Variants in SLC27A6 observed in about 807,000 individuals in gnomAD.
SLC27A6 encodes the protein long-chain fatty acid transport protein 6.
In SLC27A6, 74 loss-of-function variants were observed where a neutral mutation model predicts 63.9. The observed-to-expected ratio is 1.16, with a 90% CI of 0.96 to 1.40. SLC27A6 has a LOEUF of 1.40. SLC27A6 is among the 40% of genes most tolerant of loss of function. SLC27A6 has a pLI of 0.00. For missense variants in SLC27A6, 794 were observed against 732.9 expected (o/e 1.08, Z -0.96); for synonymous variants, 287 against 260.8 (o/e 1.10, Z -0.97).
intron 4 of SLC27A6, among the ~76,000 whole-genome samples, chr5:129,005,397 C>A (rs1274193890): frequency 6.6e-6 from 1 of 152,046 alleles, no homozygotes; most frequent in Admixed American, 6.6e-5. Context: ...GTTAACCAGA[C>A]GATGCTTAAC....
intron 1 of SLC27A6, among the ~76,000 whole-genome samples, chr5:128,973,069 C>T (rs1750242576): frequency 1.3e-5 from 2 of 152,200 alleles, no homozygotes; most frequent in South Asian, 4.1e-4. Context: ...CCACTCCAGA[C>T]CCCGTTTGCC....
chr5:128,989,016 A>C (rs977955708), intron 3 of SLC27A6, among the ~76,000 whole-genome samples: 1 of 152,152 alleles, frequency 6.6e-6, no homozygotes, highest in Non-Finnish European at 1.5e-5. Flanking sequence ...CTCTCCTTGT[A>C]GTCACTCACC....
chr5:128,978,896 C>G (rs1032771036), intron 1 of SLC27A6, among the ~76,000 whole-genome samples: 1 of 152,054 alleles, frequency 6.6e-6, no homozygotes, highest in African/African-American at 2.4e-5. Flanking sequence ...TACACAAACA[C>G]ATATTACTGT....
intron 3 of SLC27A6, among the ~76,000 whole-genome samples, chr5:128,989,261 C>T (rs544089701): frequency 3.3e-4 from 51 of 152,252 alleles, no homozygotes; most frequent in Admixed American, 7.2e-4. Flanking sequence ...AAGTAAGAGC[C>T]CTGAAGAAAT....
At chr5:128,967,275 C>T (rs921811897) in intron 1 of SLC27A6, among the ~76,000 whole-genome samples, 2 of 152,092 alleles carry the variant, frequency 1.3e-5, no homozygotes. Context: ...TTAGGCTACA[C>T]GTATTTTCAC....
intron 9 of SLC27A6, among the ~76,000 whole-genome samples, chr5:129,032,679 A>G (rs2150158058): frequency 6.6e-6 from 1 of 152,034 alleles, no homozygotes; most frequent in Admixed American, 6.6e-5. Flanking sequence ...AACATTCTGC[A>G]CCCCGTCTGG....
chr5:128,971,689 A>G (rs1185485196), intron 1 of SLC27A6, among the ~76,000 whole-genome samples: 2 of 152,014 alleles, frequency 1.3e-5, no homozygotes, highest in Non-Finnish European at 2.9e-5. Flanking sequence ...TGAATACAGC[A>G]CACTGATGGG....
intron 6 of SLC27A6, 73 bp from the exon 7 acceptor site, chr5:129,027,060 T>C: frequency 8.1e-7 from 1 of 1,230,486 alleles, no homozygotes; most frequent in East Asian, 2.3e-5. Context: ...CCAGATATAA[T>C]ATAGATACAT....
chr5:128,991,979 A>G (rs1750998332), intron 4 of SLC27A6, among the ~76,000 whole-genome samples: 1 of 151,456 alleles, frequency 6.6e-6, no homozygotes, highest in Admixed American at 6.6e-5. Flanking sequence ...ACTATAAAGA[A>G]GTTACTTTCT....
intron 1 of SLC27A6, among the ~76,000 whole-genome samples, chr5:128,976,016 A>G (rs1351184548): frequency 1.3e-5 from 2 of 152,112 alleles, no homozygotes; most frequent in African/African-American, 4.8e-5. Context: ...GTAATTGTTG[A>G]TCTAGCTGAG....
At chr5:128,975,939 C>T (rs989429414) in intron 1 of SLC27A6, among the ~76,000 whole-genome samples, 2 of 152,082 alleles carry the variant, frequency 1.3e-5, no homozygotes, top group African/African-American at 4.8e-5. Flanking sequence ...ACTGCCTTTT[C>T]TAGCTACTGA....
intron 4 of SLC27A6, among the ~76,000 whole-genome samples, chr5:128,992,461 C>T (rs1337007636): frequency 6.6e-6 from 1 of 152,168 alleles, no homozygotes; most frequent in Non-Finnish European, 1.5e-5. Context: ...AAGGAGAAAC[C>T]TCCAGTCGAG....
At chr5:128,979,262 C>A (rs747817277) in intron 1 of SLC27A6, among the ~76,000 whole-genome samples, 13 of 151,714 alleles carry the variant, frequency 8.6e-5, no homozygotes, top group Non-Finnish European at 1.9e-4. Context: ...CTTTAAACAG[C>A]TTTCTTGTCC....
chr5:129,005,553 TC>T (rs1339440131), intron 4 of SLC27A6, among the ~76,000 whole-genome samples: 1 of 151,586 alleles, frequency 6.6e-6, no homozygotes, highest in Non-Finnish European at 1.5e-5. Flanking sequence ...ACTATTTAAT[TC>T]CACCCATGTT....
chr5:128,965,918 T>C lies in SLC27A6; in HGVS notation c.-220T>C. ...TTCCAGCCGCCCAGTGACCCAAGCT[T>C]AATCTTCAGCACCACTTGGGGCGAC... On this transcript the variant is annotated 5_prime_UTR_variant, in exon 1 of 10. Transcript: ENST00000262462. 1 of 443,230 alleles carries C rather than the reference T, an allele frequency of 2.3e-6. No individual in the cohort carries two copies. The highest frequency in any genetic ancestry group is 8.1e-5 in the South Asian group (1 of 12,320). The allele number at this position is 443,230 out of a possible 1,614,324, so 27.5% of individuals were successfully genotyped here.
intron 4 of SLC27A6, 78 bp from the exon 5 acceptor site, chr5:129,015,807 A>G (rs1302227980): frequency 4.0e-5 from 41 of 1,031,692 alleles, no homozygotes; most frequent in Non-Finnish European, 3.4e-5. Flanking sequence ...TACGTCTATG[A>G]TATTTTTCAT....
intron 1 of SLC27A6, among the ~76,000 whole-genome samples, chr5:128,971,968 A>T (rs1171650745): frequency 1.3e-5 from 2 of 152,100 alleles, no homozygotes; most frequent in Non-Finnish European, 2.9e-5. Context: ...GTGGTGACAA[A>T]ATCTCTCAGC....
Position 129,027,138 on chromosome 5 carries a change from C to T in SLC27A6, c.1261C>T (p.Pro421Ser). ...GWCIHVKKGE[P>S]GLLISRVNAK... ...AATGTCGTTCTTTCTTGCAGGAGAA[C>T]CTGGACTTCTCATTTCTCGAGTGAA... The change falls in exon 7 of 10, where the codon CCT (proline) becomes TCT (serine). Residue 421 changes from proline (P) to serine (S), a missense_variant. Physicochemically the swap from Pro to Ser is moderately conservative, Grantham distance 74 (BLOSUM62 -1). Transcript: ENST00000262462. 1.2e-6 allele frequency: 2 copies of T among 1,612,922 alleles called. No individual in the cohort carries two copies. The highest frequency in any genetic ancestry group is 1.7e-6 in the Non-Finnish European group (2 of 1,179,212).
At chr5:129,004,465 C>G (rs1380562634) in intron 4 of SLC27A6, among the ~76,000 whole-genome samples, 12 of 152,120 alleles carry the variant, frequency 7.9e-5, no homozygotes, top group Non-Finnish European at 1.5e-5. Flanking sequence ...TTCACGCTCT[C>G]TCTGTCTCTT....
Sources: gnomAD v4.1 joint callset for allele counts (sites outside exome capture counted in the v4.1 genomes callset) on GRCh38, gnomAD v4.1.1 for gene constraint, MANE v1.5 for transcripts, NCBI Gene and HGNC (gene_info 2026-07-23, HGNC 2026-07-21) for gene names.